PDE10A: variants seen among roughly 807,000 people sequenced by gnomAD.
PDE10A encodes cAMP and cAMP-inhibited cGMP 3',5'-cyclic phosphodiesterase 10A.
PDE10A carries 39 observed loss-of-function variants against 97.7 expected under a neutral mutation model. The observed-to-expected ratio is 0.40, with a 90% CI of 0.31 to 0.52. PDE10A has a LOEUF of 0.52. PDE10A is among the 20% of genes least tolerant of loss of function. PDE10A has a pLI of 0.56. For missense variants in PDE10A, 731 were observed against 1,047.8 expected, an observed-to-expected ratio of 0.70 and a Z score of 4.17; for synonymous variants, 371 against 376.8, an observed-to-expected ratio of 0.98 and a Z score of 0.18.
Position 165,396,338 on chromosome 6 carries a change from C to T in PDE10A, c.2198G>A (p.Arg733His), listed in dbSNP as rs766937515. The change falls in exon 14 of 22, where the codon CGT becomes CAT. Residue 733 changes from arginine to histidine, a missense_variant. Arg to His is a conservative substitution (Grantham distance 29). This residue lies in a region of PDE10A where 131 missense variants were observed against 187.4 expected (regional missense o/e 0.70). Coordinates refer to ENST00000539869, the MANE Select transcript of PDE10A (RefSeq NM_001385079.1). ...QGLMQFTLPVRLCKEIELFHF... is the reference protein window; with the variant it reads ...QGLMQFTLPVHLCKEIELFHF... ...TTACAATTCAATTTCTTTGCAGAGA[C>T]GCACGGGAAGGGTGAATTGCATGAG... 1.3e-5 allele frequency: 21 copies of T among 1,612,882 alleles called. No homozygotes were observed. Among genetic ancestry groups the T allele is most frequent in the South Asian group, 3.3e-5 (3 of 90,944 alleles).
rs368028840 is a variant in PDE10A at position 165,917,681 on chromosome 6, C to G, written c.-615+69848G>C. Among the ~76,000 whole-genome samples, 586 of 152,344 alleles carry G rather than the reference C, an allele frequency of 3.8e-3. 5 individuals carry two copies. Among genetic ancestry groups the G allele is most frequent in the African/African-American group, 0.013 (558 of 41,580 alleles). The stretch of plus-strand genomic sequence containing the variant: ...AAAGGCAGCCAGGTGCTTTGTGCGG[C>G]GGAGCCCGCTGGAGGCTGGGCAAGT... On this transcript the variant is annotated intron_variant, in intron 1 of 19. Transcript: ENST00000366882.
intron 18 of PDE10A, among the ~76,000 whole-genome samples, chr6:165,353,399 T>G (rs558233324): frequency 6.6e-6 from 1 of 152,066 alleles, no homozygotes; most frequent in South Asian, 2.1e-4. Flanking sequence ...CCCAGAGGAG[T>G]TGGAAATTTA....
intron 1 of PDE10A, among the ~76,000 whole-genome samples, chr6:165,605,876 A>C (rs1204168012): frequency 6.6e-6 from 1 of 151,968 alleles, no homozygotes; most frequent in Admixed American, 6.5e-5. Context: ...TTTGATTCTA[A>C]ATCTTTCTAG....
chr6:165,578,240 C>T (rs1785422060), intron 1 of PDE10A, among the ~76,000 whole-genome samples: 1 of 138,592 alleles, frequency 7.2e-6, no homozygotes, highest in Non-Finnish European at 1.6e-5. Context: ...GATGGCTGCA[C>T]TCTCAAGAGT....
chr6:165,915,116 A>C (rs1302674257), intron 1 of PDE10A, among the ~76,000 whole-genome samples: 2 of 152,186 alleles, frequency 1.3e-5, no homozygotes, highest in East Asian at 1.9e-4. Flanking sequence ...GCAAATGTGC[A>C]ATTAGAGTGT....
chr6:165,616,230 G>A (rs1249300166), intron 1 of PDE10A, among the ~76,000 whole-genome samples: 1 of 151,974 alleles, frequency 6.6e-6, no homozygotes, highest in Non-Finnish European at 1.5e-5. Flanking sequence ...TTCGTACCCA[G>A]AATCCTACCA....
intron 1 of PDE10A, among the ~76,000 whole-genome samples, chr6:165,900,483 C>T (rs1004745790): frequency 5.3e-5 from 8 of 151,690 alleles, no homozygotes; most frequent in Non-Finnish European, 1.0e-4. Flanking sequence ...AAAAAAACTA[C>T]AAATAAAAAT....
intron 1 of PDE10A, among the ~76,000 whole-genome samples, chr6:165,580,467 A>T (rs1785549593): frequency 6.6e-6 from 1 of 152,216 alleles, no homozygotes; most frequent in African/African-American, 2.4e-5. Context: ...AAAGGTCCTG[A>T]TTATATTCCA....
intron 1 of PDE10A, among the ~76,000 whole-genome samples, chr6:165,787,881 A>G (rs1183140228): frequency 1.3e-5 from 2 of 152,222 alleles, no homozygotes; most frequent in African/African-American, 4.8e-5. Context: ...AACCATAGGA[A>G]TAAATATTTT....
intron 1 of PDE10A, among the ~76,000 whole-genome samples, chr6:165,823,766 C>T (rs1312367473): frequency 6.6e-6 from 1 of 151,902 alleles, no homozygotes; most frequent in Admixed American, 6.6e-5. Flanking sequence ...ATACATCGCA[C>T]TGTGACGTTA....
chr6:165,874,347 T>C (rs1781279014), intron 1 of PDE10A, among the ~76,000 whole-genome samples: 1 of 149,488 alleles, frequency 6.7e-6, no homozygotes, highest in South Asian at 2.2e-4. Context: ...GCTACTCATA[T>C]GGTGGAAGAG....
chr6:165,570,727 T>G (rs1412252418), intron 1 of PDE10A, among the ~76,000 whole-genome samples: 1 of 152,216 alleles, frequency 6.6e-6, no homozygotes, highest in African/African-American at 2.4e-5. Context: ...GTCTTTGAAG[T>G]AGAAACTACG....
chr6:165,372,342 C>G (rs1784314150), intron 18 of PDE10A, among the ~76,000 whole-genome samples: 1 of 149,444 alleles, frequency 6.7e-6, no homozygotes, highest in Admixed American at 6.7e-5. Context: ...TTGTCTCAGC[C>G]CAAAATCTCC....
chr6:165,757,378 GT>G (rs555386659), intron 1 of PDE10A, among the ~76,000 whole-genome samples: 41 of 150,950 alleles, frequency 2.7e-4, no homozygotes, highest in Non-Finnish European at 2.5e-4. Context: ...ATGAACACTG[GT>G]TTTTTTTTAG....
chr6:165,694,024 G>C (rs1470505855), intron 1 of PDE10A, among the ~76,000 whole-genome samples: 1 of 151,876 alleles, frequency 6.6e-6, no homozygotes. Context: ...ACTTTTAATG[G>C]GTACAAGTTG....
chr6:165,660,971 C>CCG (rs1263794653), intron 1 of PDE10A: 1 of 152,576 alleles, frequency 6.6e-6, no homozygotes, highest in Non-Finnish European at 1.5e-5. Context: ...CCCCCTCCAT[C>CCG]CGCGACCGCG....
chr6:165,734,138 C>T (rs1465605218), intron 1 of PDE10A, among the ~76,000 whole-genome samples: 1 of 152,162 alleles, frequency 6.6e-6, no homozygotes, highest in Non-Finnish European at 1.5e-5. Flanking sequence ...ACCATCTCTC[C>T]TCCTGGTGTC....
intron 1 of PDE10A, among the ~76,000 whole-genome samples, chr6:165,612,803 G>A (rs1162310523): frequency 1.3e-5 from 2 of 152,124 alleles, no homozygotes; most frequent in Non-Finnish European, 2.9e-5. Context: ...AGACAGTCTC[G>A]TCTCACCACA....
chr6:165,769,629 CT>C (rs1226777213), intron 1 of PDE10A, among the ~76,000 whole-genome samples: 2 of 152,150 alleles, frequency 1.3e-5, no homozygotes, highest in Non-Finnish European at 2.9e-5. Flanking sequence ...TTTTTCTACC[CT>C]GTGAAAATCT....
Sources: gnomAD v4.1 joint callset for allele counts (sites outside exome capture counted in the v4.1 genomes callset) on GRCh38, gnomAD v4.1.1 for gene constraint, gnomAD v4.1.1 regional missense constraint, MANE v1.5 for transcripts, NCBI Gene and HGNC (gene_info 2026-07-23, HGNC 2026-07-21) for gene names.